GPC5: variants seen among roughly 807,000 people sequenced by gnomAD.
The protein encoded by GPC5 is glypican-5.
Under a neutral mutation model 53.9 loss-of-function variants are expected in GPC5, and 47 were observed. That is an observed-to-expected ratio of 0.87 (90% CI 0.69 to 1.11). The LOEUF is 1.11. Ranked by LOEUF, GPC5 falls within the 50% of genes most tolerant of loss-of-function variation. The pLI, the probability that GPC5 is intolerant of heterozygous loss-of-function variation, is 0.00. For synonymous variants in GPC5, 286 were observed against 263.3 expected (o/e 1.09, Z -0.84); for missense variants, 748 against 713.1 (o/e 1.05, Z -0.56).
chr13:91,964,317 G>A (rs948060874), intron 6 of GPC5, among the ~76,000 whole-genome samples: 6 of 152,292 alleles, frequency 3.9e-5, no homozygotes, highest in East Asian at 3.9e-4. Flanking sequence ...TGTGGGCTCC[G>A]TGGCCTGCTT....
chr13:92,209,631 C>T (rs1313808462), intron 7 of GPC5, among the ~76,000 whole-genome samples: 1 of 151,934 alleles, frequency 6.6e-6, no homozygotes, highest in Non-Finnish European at 1.5e-5. Context: ...CCTTGTGACA[C>T]AGTAGATATA....
At chr13:92,817,447 G>A (rs906554126) in intron 7 of GPC5, among the ~76,000 whole-genome samples, 1 of 151,866 alleles carries the variant, frequency 6.6e-6, no homozygotes, top group African/African-American at 2.4e-5. Context: ...ACTTAGTACA[G>A]CTTTTTGATT....
chr13:92,442,142 G>A lies in GPC5; in HGVS notation c.1561+297153G>A, dbSNP rs542504876. On this transcript the variant is annotated intron_variant, in intron 7 of 7. Coordinates refer to ENST00000377067, the MANE Select transcript of GPC5 (RefSeq NM_004466.6). ...TACCATTCTGAAATAATTGCTGAAG[G>A]CTAGGATGGAATCAAAATGAATATA... Among the ~76,000 whole-genome samples, 6 of 152,168 alleles carry A rather than the reference G, an allele frequency of 3.9e-5. No individual in the cohort carries two copies. The South Asian group carries it at 6.2e-4, about 16-fold the overall frequency.
At chr13:91,415,703 A>T (rs1350954530) in intron 1 of GPC5, among the ~76,000 whole-genome samples, 1 of 142,674 alleles carries the variant, frequency 7.0e-6, no homozygotes, top group Non-Finnish European at 1.5e-5. Context: ...TCATTTATAA[A>T]ATAGGAATAT....
intron 7 of GPC5, among the ~76,000 whole-genome samples, chr13:92,280,051 TG>T (rs1283103319): frequency 6.6e-6 from 1 of 152,092 alleles, no homozygotes; most frequent in Non-Finnish European, 1.5e-5. Context: ...TTCTTGTTGA[TG>T]GTAGGTTTTT....
Position 92,129,891 on chromosome 13 carries a change from A to G in GPC5, c.1402-14939A>G, listed in dbSNP as rs188901886. ...GACATAAAGACAAGTGAGAGAGAAT[A>G]GAGAATAAGCAATATCAGAAGAGCC... On this transcript the variant is annotated intron_variant, in intron 6 of 7. Transcript: ENST00000377067. 1.8e-3 allele frequency among the ~76,000 whole-genome samples: 271 copies of G among 152,288 alleles called. 2 individuals carry two copies. Among genetic ancestry groups the G allele is most frequent in the Middle Eastern group, 0.014 (4 of 294 alleles).
At chr13:92,742,424 A>T (rs1239876294) in intron 7 of GPC5, among the ~76,000 whole-genome samples, 1 of 151,932 alleles carries the variant, frequency 6.6e-6, no homozygotes, top group South Asian at 2.1e-4. Context: ...CCACTTTTTC[A>T]TGGGGTTGTT....
intron 6 of GPC5, among the ~76,000 whole-genome samples, chr13:91,984,748 A>T (rs954405209): frequency 6.6e-6 from 1 of 152,056 alleles, no homozygotes; most frequent in South Asian, 2.1e-4. Flanking sequence ...TTTCTTTTTC[A>T]TTAAAAAGCC....
At chr13:92,765,278 G>A (rs1328167515) in intron 7 of GPC5, among the ~76,000 whole-genome samples, 1 of 152,106 alleles carries the variant, frequency 6.6e-6, no homozygotes, top group African/African-American at 2.4e-5. Flanking sequence ...CAGATTCATG[G>A]CTGCTTAATG....
At chr13:92,810,826 T>G (rs891572510) in intron 7 of GPC5, among the ~76,000 whole-genome samples, 2 of 151,976 alleles carry the variant, frequency 1.3e-5, no homozygotes, top group Non-Finnish European at 2.9e-5. Context: ...GTTCAAGTGA[T>G]TCTTCTGCCT....
Position 91,745,950 on chromosome 13 carries a change from A to G in GPC5, c.1155-10345A>G, listed in dbSNP as rs148466813. On this transcript the variant is annotated intron_variant, in intron 4 of 7. Transcript: ENST00000377067. ...AATGAGAGTGGTGTTTGCTCTTTCT[A>G]TTCTATTAGAATGAAAATCTAATTT... 2.5e-3 allele frequency among the ~76,000 whole-genome samples: 386 copies of G among 152,320 alleles called. 5 individuals are homozygous for G. Among genetic ancestry groups the G allele is most frequent in the African/African-American group, 8.9e-3 (371 of 41,586 alleles).
At chr13:92,085,599 T>C (rs2041329423) in intron 6 of GPC5, among the ~76,000 whole-genome samples, 2 of 152,194 alleles carry the variant, frequency 1.3e-5, no homozygotes, top group Non-Finnish European at 2.9e-5. Flanking sequence ...GTGCACTTTA[T>C]TTCTATTATT....
At chr13:91,817,224 T>C (rs7995788) in intron 5 of GPC5, among the ~76,000 whole-genome samples, 91,210 of 151,980 alleles carry the variant, frequency 0.6, 27,880 homozygotes, top group East Asian at 0.95. Context: ...TTCGAATTCT[T>C]TTGGATTATA....
intron 6 of GPC5, among the ~76,000 whole-genome samples, chr13:92,006,672 C>T (rs2040609444): frequency 6.6e-6 from 1 of 152,120 alleles, no homozygotes; most frequent in Admixed American, 6.5e-5. Flanking sequence ...CTACCAAGAT[C>T]TTACAATCAA....
intron 5 of GPC5, among the ~76,000 whole-genome samples, chr13:91,808,298 G>A (rs1200833320): frequency 6.6e-6 from 1 of 152,096 alleles, no homozygotes; most frequent in East Asian, 1.9e-4. Flanking sequence ...ATGAAAGACA[G>A]TAGAGAGTAC....
intron 2 of GPC5, among the ~76,000 whole-genome samples, chr13:91,568,265 A>G (rs1412200975): frequency 1.3e-5 from 2 of 152,188 alleles, no homozygotes; most frequent in East Asian, 1.9e-4. Flanking sequence ...CAGCATTGTC[A>G]TGACATGGGA....
At chr13:92,106,936 G>A (rs1420825265) in intron 6 of GPC5, among the ~76,000 whole-genome samples, 1 of 152,030 alleles carries the variant, frequency 6.6e-6, no homozygotes, top group Non-Finnish European at 1.5e-5. Flanking sequence ...CTTCCTTTGA[G>A]ACTACAGTAA....
chr13:91,948,223 G>T (rs1256150741), intron 6 of GPC5, among the ~76,000 whole-genome samples: 1 of 34,916 alleles, frequency 2.9e-5, no homozygotes, highest in Non-Finnish European at 5.8e-5. Context: ...GGGAGACTCT[G>T]TCTCAAAAAA....
chr13:91,825,150 G>A (rs1432179988), intron 5 of GPC5, among the ~76,000 whole-genome samples: 1 of 151,772 alleles, frequency 6.6e-6, no homozygotes, highest in East Asian at 1.9e-4. Context: ...GAGAGAGAGA[G>A]CTAGAGAGAG....
Sources: allele counts gnomAD v4.1 joint callset (sites outside exome capture counted in the v4.1 genomes callset), GRCh38; gene constraint gnomAD v4.1.1; transcripts MANE v1.5; gene names NCBI Gene and HGNC (gene_info 2026-07-23, HGNC 2026-07-21).